Variants in SERPINA10 observed in about 807,000 individuals in gnomAD.
The protein encoded by SERPINA10 is protein Z-dependent protease inhibitor.
Under a neutral mutation model 28.0 loss-of-function variants are expected in SERPINA10, and 24 were observed. The ratio of observed to expected loss-of-function variants is 0.86; its 90% CI spans 0.62 to 1.20. The LOEUF (loss-of-function observed/expected upper bound fraction) is 1.20, where lower values mean the gene tolerates loss of function less well. SERPINA10 is among the 50% of genes most tolerant of loss of function. The probability of loss-of-function intolerance (pLI) is 0.00; values close to 1 mark genes in which losing one functional copy is unlikely to be tolerated. For synonymous variants in SERPINA10, 207 were observed against 203.9 expected (o/e 1.02, Z -0.13); for missense variants, 521 against 537.7 (o/e 0.97, Z 0.31).
chr14:94,289,948 TC>T lies in SERPINA10; in HGVS notation c.645del (p.Ile217PhefsTer14), dbSNP rs1566719478. The T allele has an allele frequency of 1.2e-6, 2 of 1,614,164 alleles. No individual in the cohort carries two copies. The highest frequency in any genetic ancestry group is 2.2e-5 in the South Asian group (2 of 91,084). ...ATCTCATCAAACAGTTTGGGAATTT[TC>T]CCCCGAGTCTCTTTGTTAATGTAAT... ...MNHYINKETRGKIPKLFDEIN... is the reference protein window; with the variant it reads ...MNHYINKETRXKIPKLFDEIN... On this transcript the variant is annotated frameshift_variant, in exon 2 of 5. Transcript: ENST00000261994. LOFTEE classifies it high-confidence loss of function.
intron 1 of SERPINA10, among the ~76,000 whole-genome samples, chr14:94,292,273 T>A (rs989065117): frequency 6.6e-6 from 1 of 151,940 alleles, no homozygotes; most frequent in African/African-American, 2.4e-5. Flanking sequence ...AGAGTCCCCC[T>A]CCGCACCTCC....
Position 94,286,263 on chromosome 14 carries a change from G to T in SERPINA10, c.993-5C>A, listed in dbSNP as rs1895022423. 5.6e-6 allele frequency: 9 copies of T among 1,613,436 alleles called. No individual in the cohort carries two copies. The highest frequency in any genetic ancestry group is 7.6e-6 in the Non-Finnish European group (9 of 1,179,984). On this transcript the variant is annotated splice_polypyrimidine_tract_variant and splice_region_variant and intron_variant, in intron 3 of 4. Transcript: ENST00000261994. Reference sequence around the variant, plus strand: ...GGAAAGAAAACTTCCATGTTTCTGTGGTACAAGAACAGATGATGGTGAAAT... The same window carrying T: ...GGAAAGAAAACTTCCATGTTTCTGTTGTACAAGAACAGATGATGGTGAAAT...
chr14:94,291,859 G>A (rs1895185757), intron 1 of SERPINA10, among the ~76,000 whole-genome samples: 1 of 152,258 alleles, frequency 6.6e-6, no homozygotes, highest in Non-Finnish European at 1.5e-5. Context: ...GGCCCAGCAT[G>A]TTGCCCCTTG....
At chr14:94,292,916 C>T (rs943703966) in intron 1 of SERPINA10, 9 of 522,042 alleles carry the variant, frequency 1.7e-5, no homozygotes, top group African/African-American at 1.7e-4. Context: ...CTTACTCCGG[C>T]AGTGAGTGGT....
intron 3 of SERPINA10, among the ~76,000 whole-genome samples, chr14:94,286,902 G>T (rs1895038102): frequency 6.6e-6 from 1 of 152,166 alleles, no homozygotes; most frequent in Non-Finnish European, 1.5e-5. Flanking sequence ...AGGTGCTAAA[G>T]ATATGAAGAA....
At chr14:94,289,527 G>C (rs149636519) in intron 2 of SERPINA10, among the ~76,000 whole-genome samples, 11 of 152,328 alleles carry the variant, frequency 7.2e-5, no homozygotes, top group Non-Finnish European at 1.6e-4. Context: ...TAAGGGCAGA[G>C]AGTTGGTCAA....
At chr14:94,289,854 G>A (rs746962450) in intron 2 of SERPINA10, 22 bp downstream of exon 2, 8 of 1,612,452 alleles carry the variant, frequency 5.0e-6, no homozygotes, top group Admixed American at 1.7e-5. Context: ...GGCCTTGGGA[G>A]AGCAGAACAT....
intron 4 of SERPINA10, 49 bp from the exon 5 acceptor site, chr14:94,284,205 G>T: frequency 6.5e-7 from 1 of 1,538,508 alleles, no homozygotes; most frequent in East Asian, 2.3e-5. Flanking sequence ...CAGTGCAAAG[G>T]AGGAATTAAA....
chr14:94,289,741 A>T, intron 2 of SERPINA10, 135 bp downstream of exon 2: 2 of 970,458 alleles, frequency 2.1e-6, no homozygotes, highest in Non-Finnish European at 1.6e-6. Context: ...TATGTGTATC[A>T]ATCTGTTTTT....
rs7148284 is a variant in SERPINA10 at position 94,282,450 on chromosome 14, A to G, written c.*1515T>C. ...TCCTTTTCACCCTGGGACAAAGTTC[A>G]TGCTTATATTCTGTTTAACCCCCAT... On this transcript the variant is annotated 3_prime_UTR_variant, in exon 5 of 5. Transcript: ENST00000261994. 80,596 of 151,882 alleles carry G rather than the reference A, an allele frequency of 0.53. 23,448 individuals carry two copies. The highest frequency in any genetic ancestry group is 0.77 in the African/African-American group (32,022 of 41,424). 9.4% of individuals were successfully genotyped at this position (151,882 alleles called of 1,614,324 possible). A position where few individuals can be genotyped will look rare whatever the true frequency, so the allele number is the denominator to read the frequency against.
chr14:94,290,685 A>G, intron 1 of SERPINA10, 42 bp from the exon 2 acceptor site: 1 of 1,560,426 alleles, frequency 6.4e-7, no homozygotes, highest in Non-Finnish European at 8.6e-7. Context: ...ATGCCTCCTA[A>G]AATGTCTTTG....
intron 3 of SERPINA10, among the ~76,000 whole-genome samples, chr14:94,286,663 C>G (rs1331059752): frequency 6.6e-6 from 1 of 152,192 alleles, no homozygotes; most frequent in East Asian, 1.9e-4. Context: ...AGAAAACTTT[C>G]AACCCCTACC....
At chr14:94,287,113 A>G (rs767108720) in intron 3 of SERPINA10, among the ~76,000 whole-genome samples, 1 of 151,998 alleles carries the variant, frequency 6.6e-6, no homozygotes, top group African/African-American at 2.4e-5. Context: ...CCTCTCCTCT[A>G]TATTTACAGA....
rs1437456376 is a variant in SERPINA10 at position 94,290,064 on chromosome 14, G to A, written c.530C>T (p.Thr177Ile). ...FIHKDFDVKETFFNLSKRYFD... is the reference protein window; with the variant it reads ...FIHKDFDVKEIFFNLSKRYFD... Reference sequence around the variant, plus strand: ...ATACCTCTTGGATAAATTGAAGAAAGTCTCTTTGACATCAAAATCCTTGTG... The same window carrying A: ...ATACCTCTTGGATAAATTGAAGAAAATCTCTTTGACATCAAAATCCTTGTG... Residue 177 changes from threonine (T) to isoleucine (I), a missense_variant, in exon 2 of 5, where the codon ACT becomes ATT. Coordinates refer to ENST00000261994, the MANE Select transcript of SERPINA10 (RefSeq NM_001100607.3). The A allele has an allele frequency of 3.7e-6, 6 of 1,614,080 alleles. No homozygotes were observed. The highest frequency in any genetic ancestry group is 5.1e-6 in the Non-Finnish European group (6 of 1,180,046).
At chr14:94,285,698 C>T (rs903647643) in intron 4 of SERPINA10, among the ~76,000 whole-genome samples, 5 of 151,810 alleles carry the variant, frequency 3.3e-5, no homozygotes, top group African/African-American at 9.7e-5. Flanking sequence ...AGGGCTATTT[C>T]GTAGGGCTAT....
At chr14:94,292,847 C>T (rs1895212652) in intron 1 of SERPINA10, 4 of 607,926 alleles carry the variant, frequency 6.6e-6, no homozygotes, top group South Asian at 5.7e-5. Flanking sequence ...CCTGCCACTT[C>T]TCAGCCCTGG....
At chr14:94,285,933 A>T (rs959127801) in intron 4 of SERPINA10, among the ~76,000 whole-genome samples, 175 bp downstream of exon 4, 6 of 152,190 alleles carry the variant, frequency 3.9e-5, no homozygotes, top group Non-Finnish European at 5.9e-5. Context: ...TATTTTAATG[A>T]AGTTGCTTGA....
rs771610938 is a variant in SERPINA10 at position 94,290,650 on chromosome 14, AGAG to A, written c.-50-10_-50-8del. 28 of 1,602,268 alleles carry A rather than the reference AGAG, an allele frequency of 1.7e-5. No homozygotes were observed. The highest frequency in any genetic ancestry group is 2.4e-5 in the Non-Finnish European group (28 of 1,176,450). On this transcript the variant is annotated splice_polypyrimidine_tract_variant and splice_region_variant and intron_variant, in intron 1 of 4. Coordinates refer to ENST00000261994, the MANE Select transcript of SERPINA10 (RefSeq NM_001100607.3). ...CCTTCAGCTGCAAGACTTCCTGTGG[AGAG>A]GAGAGGATAGAGATGGTTTTAATGC...
chr14:94,290,105 C>T lies in SERPINA10; in HGVS notation c.489G>A (p.Gly163=). The T allele has an allele frequency of 6.2e-7, 1 of 1,614,200 alleles. No homozygotes were observed. The highest frequency in any genetic ancestry group is 8.5e-7 in the Non-Finnish European group (1 of 1,180,042). The change falls in exon 2 of 5, where the codon GGG becomes GGA. Residue 163 remains glycine, a synonymous_variant. Coordinates refer to ENST00000261994, the MANE Select transcript of SERPINA10 (RefSeq NM_001100607.3). ...AATCCTTGTGGATGAAGGCAAAACT[C>T]CCCTGTGTGAGGCCCAGTTCCAGGT... ...SRNLELGLTQ[G]SFAFIHKDFD... is the part of the protein sequence containing the mutation.
Sources: gnomAD v4.1 joint callset for allele counts (sites outside exome capture counted in the v4.1 genomes callset) on GRCh38, gnomAD v4.1.1 for gene constraint, MANE v1.5 for transcripts, NCBI Gene and HGNC (gene_info 2026-07-23, HGNC 2026-07-21) for gene names.